Variants in RUNDC3B observed in about 807,000 individuals in gnomAD.
The protein encoded by RUNDC3B is RUN domain-containing protein 3B.
RUNDC3B carries 33 observed loss-of-function variants against 58.4 expected under a neutral mutation model. The observed-to-expected ratio is 0.56, with a 90% CI of 0.43 to 0.75. The LOEUF (loss-of-function observed/expected upper bound fraction) is 0.75. Among genes scored for constraint, RUNDC3B ranks in the 30% least tolerant of loss-of-function variants. RUNDC3B has a pLI of 0.00. For missense variants in RUNDC3B, 501 were observed against 535.7 expected (o/e 0.94, Z 0.64); for synonymous variants, 193 against 195.2 (o/e 0.99, Z 0.10).
chr7:87,652,418 A>G (rs1016243018), intron 2 of RUNDC3B, among the ~76,000 whole-genome samples: 2 of 151,982 alleles, frequency 1.3e-5, no homozygotes, highest in Non-Finnish European at 2.9e-5. Context: ...CCCCTTCAGA[A>G]TTATTTCTAA....
chr7:87,717,707 C>G (rs1371501728), intron 4 of RUNDC3B, among the ~76,000 whole-genome samples: 3 of 152,026 alleles, frequency 2.0e-5, no homozygotes, highest in Admixed American at 2.0e-4. Flanking sequence ...TCCTCAAAAT[C>G]AATCATTAAG....
chr7:87,753,872 T>TTTTCA (rs1833185833), intron 6 of RUNDC3B, among the ~76,000 whole-genome samples: 1 of 152,178 alleles, frequency 6.6e-6, no homozygotes, highest in African/African-American at 2.4e-5. Context: ...GTAAGATCAT[T>TTTTCA]TTTGTCACAG....
At chr7:87,810,445 A>G (rs1012718059) in intron 9 of RUNDC3B, among the ~76,000 whole-genome samples, 17 of 152,208 alleles carry the variant, frequency 1.1e-4, no homozygotes, top group Admixed American at 1.1e-3. Flanking sequence ...TGTTACAAAA[A>G]ATCTCCTGAA....
In RUNDC3B at chr7:87,650,744, T is replaced by C. The variant is rs371764971; in HGVS notation, c.123-78T>C. ...AATATTTTTACAACTCTTCCCCAAA[T>C]TGCCTTCCTCCCATTTTTTTCATAC... On this transcript the variant is annotated intron_variant, in intron 1 of 10. Transcript: ENST00000394654. 1.0e-5 allele frequency: 8 copies of C among 801,878 alleles called. No homozygotes were observed. In the South Asian group the frequency reaches 1.2e-4, roughly 12 times the overall value. 49.7% of individuals were successfully genotyped at this position (801,878 alleles called of 1,614,324 possible). A position where few individuals can be genotyped will look rare whatever the true frequency, so the allele number is the denominator to read the frequency against.
intron 10 of RUNDC3B, among the ~76,000 whole-genome samples, chr7:87,823,848 A>C (rs1208361980): frequency 1.3e-5 from 2 of 151,888 alleles, no homozygotes; most frequent in Non-Finnish European, 2.9e-5. Flanking sequence ...ACTCACCTAC[A>C]TACATACATA....
At chr7:87,659,659 C>A (rs558991643) in intron 2 of RUNDC3B, among the ~76,000 whole-genome samples, 3 of 151,716 alleles carry the variant, frequency 2.0e-5, no homozygotes, top group African/African-American at 7.3e-5. Flanking sequence ...ATACAGTTTG[C>A]TAATTTGTCT....
intron 2 of RUNDC3B, among the ~76,000 whole-genome samples, chr7:87,685,090 G>T (rs532832509): frequency 6.6e-6 from 1 of 152,224 alleles, no homozygotes; most frequent in Non-Finnish European, 1.5e-5. Flanking sequence ...AATTGATAAA[G>T]TGGACTTCAT....
At chr7:87,652,503 G>C (rs1157862349) in intron 2 of RUNDC3B, among the ~76,000 whole-genome samples, 1 of 151,792 alleles carries the variant, frequency 6.6e-6, no homozygotes, top group Non-Finnish European at 1.5e-5. Context: ...TTATGGATAA[G>C]AATTCTACTT....
intron 2 of RUNDC3B, among the ~76,000 whole-genome samples, chr7:87,685,298 AAAG>A (rs1315301068): frequency 6.6e-6 from 1 of 152,232 alleles, no homozygotes; most frequent in Non-Finnish European, 1.5e-5. Context: ...ATATTTCATC[AAAG>A]AAGATACACA....
chr7:87,721,300 A>G (rs1453104595), intron 4 of RUNDC3B, among the ~76,000 whole-genome samples: 1 of 152,070 alleles, frequency 6.6e-6, no homozygotes, highest in Non-Finnish European at 1.5e-5. Flanking sequence ...GCCAGAAAGC[A>G]GAGGTGGATG....
chr7:87,735,922 T>G (rs779982966), intron 4 of RUNDC3B, among the ~76,000 whole-genome samples: 21 of 152,200 alleles, frequency 1.4e-4, no homozygotes, highest in Non-Finnish European at 2.8e-4. Context: ...CCATTGTAAC[T>G]ATAGTACCTC....
At chr7:87,656,937 A>G (rs1018606276) in intron 2 of RUNDC3B, among the ~76,000 whole-genome samples, 3 of 152,176 alleles carry the variant, frequency 2.0e-5, no homozygotes, top group Non-Finnish European at 4.4e-5. Flanking sequence ...AGTGCTGGGC[A>G]TACAGTAGGG....
At chr7:87,718,439 C>T (rs1421557278) in intron 4 of RUNDC3B, among the ~76,000 whole-genome samples, 1 of 152,114 alleles carries the variant, frequency 6.6e-6, no homozygotes. Context: ...GCAGTTTAGG[C>T]ACAGTGAGCC....
At chr7:87,677,563 T>C (rs1826501942) in intron 2 of RUNDC3B, among the ~76,000 whole-genome samples, 1 of 152,076 alleles carries the variant, frequency 6.6e-6, no homozygotes, top group African/African-American at 2.4e-5. Flanking sequence ...GGTACAAGCC[T>C]TCAGTTATAA....
intron 1 of RUNDC3B, among the ~76,000 whole-genome samples, chr7:87,630,825 G>T (rs1821141980): frequency 6.6e-6 from 1 of 151,762 alleles, no homozygotes; most frequent in South Asian, 2.1e-4. Context: ...GTCATGTAAT[G>T]ATCATGTGTG....
At chr7:87,757,061 A>G (rs1287518385) in intron 6 of RUNDC3B, among the ~76,000 whole-genome samples, 1 of 152,180 alleles carries the variant, frequency 6.6e-6, no homozygotes, top group Non-Finnish European at 1.5e-5. Context: ...TGAAGTGTAT[A>G]CTGAGTAATC....
chr7:87,689,820 G>A (rs953300428), intron 2 of RUNDC3B, among the ~76,000 whole-genome samples: 1 of 152,036 alleles, frequency 6.6e-6, no homozygotes, highest in African/African-American at 2.4e-5. Context: ...TGCTTTGCTA[G>A]ACGTCTAATG....
At chr7:87,803,733 T>C (rs940904904) in intron 8 of RUNDC3B, among the ~76,000 whole-genome samples, 2 of 152,220 alleles carry the variant, frequency 1.3e-5, no homozygotes, top group African/African-American at 4.8e-5. Context: ...CTAATACATT[T>C]ACTTGATATT....
intron 1 of RUNDC3B, among the ~76,000 whole-genome samples, chr7:87,631,723 T>C (rs1821246617): frequency 1.3e-5 from 2 of 152,172 alleles, no homozygotes; most frequent in Non-Finnish European, 1.5e-5. Context: ...AAATCAGAGA[T>C]GATTTGATAT....
Sources: gnomAD v4.1 joint callset for allele counts (sites outside exome capture counted in the v4.1 genomes callset) on GRCh38, gnomAD v4.1.1 for gene constraint, MANE v1.5 for transcripts, NCBI Gene and HGNC (gene_info 2026-07-23, HGNC 2026-07-21) for gene names.